The following AKAP3 variants were observed in gnomAD, a reference collection of about 807,000 sequenced individuals.
AKAP3 encodes the protein A-kinase anchor protein 3.
In AKAP3, 27 loss-of-function variants were observed where a neutral mutation model predicts 57.2. That is an observed-to-expected ratio of 0.47 (90% CI 0.35 to 0.65). The LOEUF is 0.65. Ranked by LOEUF, AKAP3 falls within the 30% of genes least tolerant of loss-of-function variation. The pLI, the probability that AKAP3 is intolerant of heterozygous loss-of-function variation, is 0.01. For missense variants in AKAP3, 959 were observed against 1,040.0 expected (o/e 0.92, Z 1.07); for synonymous variants, 334 against 392.3 (o/e 0.85, Z 1.76).
intron 4 of AKAP3, among the ~76,000 whole-genome samples, chr12:4,633,595 C>G (rs1296690551): frequency 2.0e-5 from 3 of 151,902 alleles, no homozygotes; most frequent in African/African-American, 7.3e-5. Flanking sequence ...TCTTCTTACA[C>G]AACTATAGTA....
At chr12:4,631,244 G>C (rs751176103) in intron 4 of AKAP3, 14 of 654,584 alleles carry the variant, frequency 2.1e-5, no homozygotes, top group Non-Finnish European at 3.5e-5. Context: ...ATGGATTAAT[G>C]ATTTATAGAG....
chr12:4,642,456 T>C (rs893376670), intron 2 of AKAP3, among the ~76,000 whole-genome samples: 6 of 152,242 alleles, frequency 3.9e-5, no homozygotes, highest in Admixed American at 3.3e-4. Context: ...AGTTCATAGA[T>C]ATCTTCCAGA....
In AKAP3 at chr12:4,628,434, A is replaced by C; in HGVS notation, c.468T>G (p.Tyr156Ter). 6.2e-7 allele frequency: 1 copy of C among 1,614,156 alleles called. No homozygotes were observed. The highest frequency in any genetic ancestry group is 8.5e-7 in the Non-Finnish European group (1 of 1,180,020). The change falls in exon 5 of 6, where the codon TAT becomes TAG. Residue 156 changes from tyrosine to a stop codon, truncating the protein, a stop_gained. Transcript: ENST00000228850. LOFTEE classifies it high-confidence loss of function. Reference protein sequence around the residue: ...KIDGSENKCVYQSLYMGNEPT... With the variant: ...KIDGSENKCV ...GTTCATTCCCCATGTACAATGACTG[A>C]TAGACACATTTGTTTTCAGAGCCAT...
chr12:4,638,160 C>T lies in AKAP3; in HGVS notation c.37G>A (p.Gly13Arg). The T allele has an allele frequency of 6.2e-7, 1 of 1,612,996 alleles. No individual in the cohort carries two copies. The highest frequency in any genetic ancestry group is 8.5e-7 in the Non-Finnish European group (1 of 1,179,704). Reference sequence around the variant, plus strand: ...GAATAGACATCAACTTTGCATACTCCATTTTGGCTTTGTAACCAGTCAACC... The same window carrying T: ...GAATAGACATCAACTTTGCATACTCTATTTTGGCTTTGTAACCAGTCAACC... ...EKVDWLQSQN[G>R]VCKVDVYSPG... Residue 13 changes from glycine (G) to arginine (R), a missense_variant, in exon 4 of 6, where the codon GGA becomes AGA. Transcript: ENST00000228850.
In AKAP3 at chr12:4,649,030, G is replaced by A; in HGVS notation, c.-530C>T. 7.0e-7 allele frequency: 1 copy of A among 1,421,438 alleles called. No individual in the cohort carries two copies. Among genetic ancestry groups the A allele is most frequent in the Non-Finnish European group, 9.7e-7 (1 of 1,032,474 alleles). The allele number at this position is 1,421,438 out of a possible 1,614,324, so 88.1% of individuals were successfully genotyped here. A position where few individuals can be genotyped will look rare whatever the true frequency, so the allele number is the denominator to read the frequency against. On this transcript the variant is annotated 5_prime_UTR_variant, in exon 1 of 6. Coordinates refer to ENST00000228850, the MANE Select transcript of AKAP3 (RefSeq NM_001278309.2). ...ATCTACCCGAAACCGTCGTTTCTTG[G>A]TTAGCGCTTGCGCAGACAGGCGAGA...
intron 4 of AKAP3, among the ~76,000 whole-genome samples, chr12:4,636,976 G>T (rs1004570421): frequency 6.6e-6 from 1 of 152,030 alleles, no homozygotes; most frequent in African/African-American, 2.4e-5. Context: ...CAACTCCTGG[G>T]CTCAAGCAAT....
At chr12:4,647,655 G>T (rs1030984661) in intron 1 of AKAP3, among the ~76,000 whole-genome samples, 2 of 152,172 alleles carry the variant, frequency 1.3e-5, no homozygotes, top group Non-Finnish European at 2.9e-5. Flanking sequence ...ATGACAGTCA[G>T]GATCTGTTGA....
At chr12:4,635,805 C>T (rs2137442723) in intron 4 of AKAP3, 6 of 693,744 alleles carry the variant, frequency 8.6e-6, no homozygotes, top group East Asian at 2.5e-5. Flanking sequence ...TCAAGACACA[C>T]ATTTTGGGTT....
Position 4,626,919 on chromosome 12 carries a change from T to C in AKAP3, c.1983A>G (p.Ile661Met), listed in dbSNP as rs1334041718. The change falls in exon 5 of 6, where the codon ATA becomes ATG. Residue 661 changes from isoleucine (I) to methionine (M), a missense_variant. Physicochemically the swap from Ile to Met is conservative, Grantham distance 10 (BLOSUM62 1). Transcript: ENST00000228850. ...SGLTKMAVSQ[I>M]DGHMSGQMVE... is the part of the protein sequence containing the mutation. ...CCATCTGCCCACTCATGTGGCCATC[T>C]ATCTGGCTGACAGCCATCTTGGTCA... The C allele has an allele frequency of 6.2e-7, 1 of 1,614,172 alleles. No individual in the cohort carries two copies. The highest frequency in any genetic ancestry group is 1.7e-5 in the Admixed American group (1 of 60,018).
rs1276749924 is a variant in AKAP3, at chr12:4,615,765, G to A, written c.2536C>T (p.Leu846=). The change falls in exon 6 of 6, where the codon CTG becomes TTG. Residue 846 remains leucine, a synonymous_variant. Coordinates refer to ENST00000228850, the MANE Select transcript of AKAP3 (RefSeq NM_001278309.2). ...TACAGGTTCACCATCAGCCAGTCCA[G>A]CAGCTGCAGCGGTGTGACATTCCCC... is the stretch of plus-strand genomic sequence containing the variant. ...AVGNVTPLQL[L]DWLMVNL The A allele has an allele frequency of 6.2e-7, 1 of 1,614,128 alleles. No individual in the cohort carries two copies. Among genetic ancestry groups the A allele is most frequent in the Admixed American group, 1.7e-5 (1 of 60,012 alleles).
At chr12:4,622,306 GAGCCTGCCAAC>G (rs1945356438) in intron 5 of AKAP3, among the ~76,000 whole-genome samples, 1 of 151,924 alleles carries the variant, frequency 6.6e-6, no homozygotes, top group Non-Finnish European at 1.5e-5. Context: ...AACCAAAAAA[GAGCCTGCCAAC>G]AGCCAAGGCA....
chr12:4,630,467 G>T (rs1190029901), intron 4 of AKAP3, among the ~76,000 whole-genome samples: 1 of 139,466 alleles, frequency 7.2e-6, no homozygotes, highest in Non-Finnish European at 1.5e-5. Context: ...TACTTGGAAA[G>T]AAAAGAAAAG....
chr12:4,639,930 C>T (rs1945616861), intron 3 of AKAP3, among the ~76,000 whole-genome samples: 7 of 151,408 alleles, frequency 4.6e-5, no homozygotes, highest in Admixed American at 4.0e-4. Flanking sequence ...CATTCTCCTG[C>T]CTCAGCCTCC....
In AKAP3 at chr12:4,615,610, T is replaced by G; in HGVS notation, c.*129A>C. 1.7e-6 allele frequency: 2 copies of G among 1,177,042 alleles called. No homozygotes were observed. Among genetic ancestry groups the G allele is most frequent in the Non-Finnish European group, 2.4e-6 (2 of 848,012 alleles). 72.9% of individuals were successfully genotyped at this position (1,177,042 alleles called of 1,614,324 possible). A position where few individuals can be genotyped will look rare whatever the true frequency, so the allele number is the denominator to read the frequency against. ...CTAGCACAAGATGACATGTCTTTGATGAGAGTGGTGTGAAGATAATGTTAG... is the reference window on the plus strand; with the variant it reads ...CTAGCACAAGATGACATGTCTTTGAGGAGAGTGGTGTGAAGATAATGTTAG... On this transcript the variant is annotated 3_prime_UTR_variant, in exon 6 of 6. Coordinates refer to ENST00000228850, the MANE Select transcript of AKAP3 (RefSeq NM_001278309.2).
At chr12:4,636,127 G>T in intron 4 of AKAP3, 2 of 924,984 alleles carry the variant, frequency 2.2e-6, no homozygotes, top group South Asian at 1.4e-5. Context: ...TCCAGTATTT[G>T]AGCCATAGGG....
intron 5 of AKAP3, 37 bp from the exon 6 acceptor site, chr12:4,615,931 G>A (rs866817478): frequency 5.6e-6 from 9 of 1,611,974 alleles, no homozygotes; most frequent in Middle Eastern, 3.3e-4. Context: ...GTGAGGCACA[G>A]CATCTCATGG....
At chr12:4,644,823 G>A (rs991155709) in intron 2 of AKAP3, among the ~76,000 whole-genome samples, 1 of 152,104 alleles carries the variant, frequency 6.6e-6, no homozygotes, top group Non-Finnish European at 1.5e-5. Context: ...CTGAGGCAGA[G>A]GAATCACTTG....
intron 1 of AKAP3, among the ~76,000 whole-genome samples, chr12:4,648,208 C>G (rs530042627): frequency 6.6e-6 from 1 of 152,146 alleles, no homozygotes; most frequent in Non-Finnish European, 1.5e-5. Flanking sequence ...TCAAAGGTGA[C>G]CACAGTTAAA....
chr12:4,638,270 A>G (rs1945591083), intron 3 of AKAP3, 74 bp from the exon 4 acceptor site: 1 of 1,046,100 alleles, frequency 9.6e-7, no homozygotes, highest in Non-Finnish European at 1.4e-6. Flanking sequence ...GAAATGTGGT[A>G]AAGGGCTAAA....
Sources: gnomAD v4.1 joint callset for allele counts (sites outside exome capture counted in the v4.1 genomes callset) on GRCh38, gnomAD v4.1.1 for gene constraint, MANE v1.5 for transcripts, NCBI Gene and HGNC (gene_info 2026-07-23, HGNC 2026-07-21) for gene names.